SPAG16: variants seen among roughly 807,000 people sequenced by gnomAD.
SPAG16 encodes the protein sperm associated antigen 16.
A neutral mutation model predicts 80.4 loss-of-function variants in SPAG16; 86 were observed. That is an observed-to-expected ratio of 1.07 (90% confidence interval 0.90 to 1.28). The LOEUF is 1.28. Among genes scored for constraint, SPAG16 ranks in the 50% most tolerant of loss-of-function variants. The pLI is 0.00. For missense variants in SPAG16, 870 were observed against 765.3 expected (o/e 1.14, Z -1.61); for synonymous variants, 294 against 265.9 (o/e 1.11, Z -1.03).
At chr2:213,464,206 G>A (rs775896609) in intron 9 of SPAG16, among the ~76,000 whole-genome samples, 6 of 152,204 alleles carry the variant, frequency 3.9e-5, no homozygotes, top group South Asian at 2.1e-4. Context: ...CTGTCCTTAC[G>A]TCATTTCAAA....
chr2:214,371,298 C>T (rs1173194039), intron 15 of SPAG16, among the ~76,000 whole-genome samples: 1 of 151,880 alleles, frequency 6.6e-6, no homozygotes, highest in Non-Finnish European at 1.5e-5. Flanking sequence ...TTTGGGAGGC[C>T]GAGGCGGGCA....
chr2:213,913,850 T>C (rs542909266), intron 11 of SPAG16, among the ~76,000 whole-genome samples: 3 of 152,226 alleles, frequency 2.0e-5, no homozygotes, highest in East Asian at 1.9e-4. Flanking sequence ...GAAGAGTAGA[T>C]GTCTGATTTT....
At chr2:213,464,737 T>C (rs377379687) in intron 9 of SPAG16, among the ~76,000 whole-genome samples, 2 of 152,358 alleles carry the variant, frequency 1.3e-5, no homozygotes, top group South Asian at 4.1e-4. Flanking sequence ...ATTAATGACC[T>C]GTTTGACCAT....
chr2:214,068,170 T>C, intron 13 of SPAG16, among the ~76,000 whole-genome samples: 1 of 152,138 alleles, frequency 6.6e-6, no homozygotes, highest in East Asian at 1.9e-4. Flanking sequence ...ATGGAAACAA[T>C]GATGCAAATT....
intron 10 of SPAG16, among the ~76,000 whole-genome samples, chr2:213,625,464 T>A (rs538263580): frequency 7.0e-4 from 107 of 152,174 alleles, no homozygotes; most frequent in Non-Finnish European, 1.3e-3. Context: ...TTTAAAAAAA[T>A]AAAATAAAAT....
chr2:214,393,121 C>A (rs559316339), intron 15 of SPAG16, among the ~76,000 whole-genome samples: 1 of 152,250 alleles, frequency 6.6e-6, no homozygotes, highest in South Asian at 2.1e-4. Context: ...TATATTTTCT[C>A]AACAAAAGTT....
intron 9 of SPAG16, among the ~76,000 whole-genome samples, chr2:213,416,409 A>G (rs139411199): frequency 6.6e-6 from 1 of 152,282 alleles, no homozygotes; most frequent in East Asian, 1.9e-4. Context: ...AAACTAGGTC[A>G]TAGCCTATAT....
chr2:214,309,679 A>G (rs1695152014), intron 15 of SPAG16, among the ~76,000 whole-genome samples: 1 of 152,256 alleles, frequency 6.6e-6, no homozygotes. Context: ...CTCAGCTCTC[A>G]ACCTTTGGAC....
At chr2:214,168,185 A>G (rs561368943) in intron 15 of SPAG16, among the ~76,000 whole-genome samples, 1 of 151,596 alleles carries the variant, frequency 6.6e-6, no homozygotes, top group African/African-American at 2.4e-5. Flanking sequence ...AGAGATGGAA[A>G]TTCACCATAT....
At position 214,065,561 on chromosome 2, in the gene SPAG16, A is replaced by AT. The variant is rs528752885; in HGVS notation, c.1528-42633dup. ...GAATAGTCAAATAAAAGGGATTCAA[A>AT]TTCACTTGACTGGATCATTTAGAAA... On this transcript the variant is annotated intron_variant, in intron 13 of 15. Coordinates refer to ENST00000331683, the MANE Select transcript of SPAG16 (RefSeq NM_024532.5). Among the ~76,000 whole-genome samples the AT allele has an allele frequency of 2.5e-4, 38 of 151,616 alleles. No homozygotes were observed. In the South Asian group the frequency reaches 3.7e-3, roughly 15 times the overall value.
intron 10 of SPAG16, among the ~76,000 whole-genome samples, chr2:213,593,997 G>T (rs1021291846): frequency 6.6e-6 from 1 of 150,938 alleles, no homozygotes; most frequent in Admixed American, 6.6e-5. Flanking sequence ...GGATGGTCTC[G>T]ATATCCTGAC....
intron 10 of SPAG16, among the ~76,000 whole-genome samples, chr2:213,580,994 G>C (rs1482393647): frequency 6.6e-6 from 1 of 151,894 alleles, no homozygotes; most frequent in Non-Finnish European, 1.5e-5. Context: ...TGCTTAATAA[G>C]ATCCCTTCTA....
intron 12 of SPAG16, among the ~76,000 whole-genome samples, chr2:213,962,475 G>A (rs931920030): frequency 5.9e-5 from 9 of 152,108 alleles, no homozygotes; most frequent in Admixed American, 1.3e-4. Flanking sequence ...ATGAGCCACC[G>A]CGCCCAGCCA....
intron 14 of SPAG16, among the ~76,000 whole-genome samples, chr2:214,138,722 T>C (rs1478775513): frequency 6.6e-6 from 1 of 152,176 alleles, no homozygotes; most frequent in Non-Finnish European, 1.5e-5. Context: ...TACACATGTA[T>C]ATGCATATTA....
At chr2:213,597,475 AT>A (rs2060921848) in intron 10 of SPAG16, among the ~76,000 whole-genome samples, 1 of 152,218 alleles carries the variant, frequency 6.6e-6, no homozygotes, top group Non-Finnish European at 1.5e-5. Flanking sequence ...TATCATAAAT[AT>A]AATGAATCAT....
At chr2:213,494,464 C>A (rs2074396681) in intron 10 of SPAG16, among the ~76,000 whole-genome samples, 1 of 152,154 alleles carries the variant, frequency 6.6e-6, no homozygotes, top group South Asian at 2.1e-4. Flanking sequence ...ATTCCTCATT[C>A]CCTCACCCTG....
At chr2:213,918,813 T>G (rs2078084032) in intron 11 of SPAG16, among the ~76,000 whole-genome samples, 1 of 152,064 alleles carries the variant, frequency 6.6e-6, no homozygotes, top group Non-Finnish European at 1.5e-5. Flanking sequence ...TGTAACTCAT[T>G]TTTTTTGTCT....
At position 214,119,178 on chromosome 2, in the gene SPAG16, C is replaced by T. The variant is rs545457888; in HGVS notation, c.1593+10917C>T. Reference sequence around the variant, plus strand: ...GGCAATAAACAATATTTATATATGGCCCTGAAAAACTATTGAATTGAATTT... The same window carrying T: ...GGCAATAAACAATATTTATATATGGTCCTGAAAAACTATTGAATTGAATTT... On this transcript the variant is annotated intron_variant, in intron 14 of 15. Coordinates refer to ENST00000331683, the MANE Select transcript of SPAG16 (RefSeq NM_024532.5). Among the ~76,000 whole-genome samples the T allele has an allele frequency of 3.3e-5, 5 of 152,070 alleles. No individual in the cohort carries two copies. In the East Asian group the frequency reaches 7.7e-4, roughly 23 times the overall value.
At position 214,014,072 on chromosome 2, in the gene SPAG16, A is replaced by G. The variant is rs1382809603; in HGVS notation, c.1522A>G (p.Arg508Gly). ...ADKTLSIWDARTGICEQSLYG... is the reference protein window; with the variant it reads ...ADKTLSIWDAGTGICEQSLYG... ...CAAGACCCTGTCTATATGGGATGCA[A>G]GAACAGTAAGCAAATCATTCACTTT... The change falls in exon 13 of 16, where the codon AGA (arginine) becomes GGA (glycine). Residue 508 changes from arginine (R) to glycine (G), a missense_variant. Transcript: ENST00000331683. The G allele has an allele frequency of 6.2e-7, 1 of 1,612,462 alleles. No homozygotes were observed. Among genetic ancestry groups the G allele is most frequent in the Admixed American group, 1.7e-5 (1 of 59,914 alleles).
Sources: allele counts gnomAD v4.1 joint callset (sites outside exome capture counted in the v4.1 genomes callset), GRCh38; gene constraint gnomAD v4.1.1; transcripts MANE v1.5; gene names NCBI Gene and HGNC (gene_info 2026-07-23, HGNC 2026-07-21).